Variants in ESRRG observed in about 807,000 individuals in gnomAD.
ESRRG encodes the protein estrogen-related receptor gamma.
ESRRG carries 13 observed loss-of-function variants against 44.0 expected under a neutral mutation model. The ratio of observed to expected loss-of-function variants is 0.30; its 90% CI spans 0.19 to 0.47. ESRRG has a LOEUF of 0.47. Ranked by LOEUF, ESRRG falls within the 20% of genes least tolerant of loss-of-function variation. ESRRG has a pLI of 1.00. For missense variants in ESRRG, 395 were observed against 580.6 expected (o/e 0.68, Z 3.29); for synonymous variants, 215 against 214.6 (o/e 1.00, Z -0.02).
At chr1:216,774,425 AC>A in intron 2 of ESRRG, among the ~76,000 whole-genome samples, 1 of 152,136 alleles carries the variant, frequency 6.6e-6, no homozygotes, top group Non-Finnish European at 1.5e-5. Context: ...TGCAAAAGCA[AC>A]ATGAAATTCT....
At chr1:217,107,482 C>T (rs759106796) in intron 1 of ESRRG, among the ~76,000 whole-genome samples, 141 of 152,342 alleles carry the variant, frequency 9.3e-4, no homozygotes, top group Non-Finnish European at 1.6e-3. Context: ...TTATATATTG[C>T]ACTTTTTCCC....
chr1:216,853,543 G>A (rs2095871849), intron 2 of ESRRG, among the ~76,000 whole-genome samples: 2 of 151,978 alleles, frequency 1.3e-5, no homozygotes, highest in South Asian at 4.2e-4. Context: ...ACACTTCCTT[G>A]TCTTTATTCA....
chr1:216,789,718 G>A (rs1339347), intron 2 of ESRRG, among the ~76,000 whole-genome samples: 2,874 of 152,210 alleles, frequency 0.019, 96 homozygotes, highest in African/African-American at 0.064. Flanking sequence ...TAGCAAGGCT[G>A]AACTAGATAA....
At chr1:216,613,414 A>T (rs903191686) in intron 3 of ESRRG, among the ~76,000 whole-genome samples, 1 of 152,158 alleles carries the variant, frequency 6.6e-6, no homozygotes, top group African/African-American at 2.4e-5. Flanking sequence ...ATTCTTCATG[A>T]CCCAAATTAT....
At chr1:216,725,440 GA>G (rs34245591), upstream of ESRRG, among the ~76,000 whole-genome samples, 39,810 of 148,870 alleles carry the variant, frequency 0.27, 5,369 homozygotes, top group South Asian at 0.35. Flanking sequence ...GACACTGAGA[GA>G]AAAAAAAAAT....
chr1:216,821,927 G>A (rs2095306786), intron 2 of ESRRG, among the ~76,000 whole-genome samples: 1 of 151,794 alleles, frequency 6.6e-6, no homozygotes, highest in Admixed American at 6.6e-5. Context: ...CTCTACGTGG[G>A]TTCAAAGCTT....
intron 2 of ESRRG, among the ~76,000 whole-genome samples, chr1:216,753,847 C>T (rs61817865): frequency 1.3e-5 from 2 of 151,870 alleles, no homozygotes; most frequent in Non-Finnish European, 2.9e-5. Flanking sequence ...GGTGGGGAGT[C>T]GTAAGAAGGA....
At chr1:216,743,654 G>GTCATCATCATCA (rs149123678) in intron 2 of ESRRG, among the ~76,000 whole-genome samples, 3 of 151,922 alleles carry the variant, frequency 2.0e-5, no homozygotes, top group Non-Finnish European at 4.4e-5. Flanking sequence ...CTTCACTGTT[G>GTCATCATCATCA]TCATCATCAT....
At chr1:216,701,734 A>T (rs528260001) in intron 1 of ESRRG, among the ~76,000 whole-genome samples, 1 of 152,326 alleles carries the variant, frequency 6.6e-6, no homozygotes, top group East Asian at 1.9e-4. Context: ...CCCATGATTT[A>T]TTATTGCATC....
chr1:216,875,779 A>G (rs1309943560), intron 2 of ESRRG, among the ~76,000 whole-genome samples: 1 of 152,154 alleles, frequency 6.6e-6, no homozygotes, highest in Non-Finnish European at 1.5e-5. Flanking sequence ...TATACCTACA[A>G]GTGAAATTGC....
upstream of ESRRG, chr1:216,723,478 T>C (rs2086820202): frequency 1.6e-6 from 1 of 616,750 alleles, no homozygotes; most frequent in Non-Finnish European, 2.9e-6. Context: ...AGCTTATTAA[T>C]ATGAAGTAGG....
At chr1:216,641,625 A>G (rs778739112) in intron 3 of ESRRG, among the ~76,000 whole-genome samples, 1 of 152,256 alleles carries the variant, frequency 6.6e-6, no homozygotes, top group Admixed American at 6.5e-5. Flanking sequence ...AAGCTATGCC[A>G]CAAGGCAAAA....
At chr1:216,783,411 A>G (rs1324703553) in intron 2 of ESRRG, among the ~76,000 whole-genome samples, 2 of 152,050 alleles carry the variant, frequency 1.3e-5, no homozygotes, top group Non-Finnish European at 2.9e-5. Context: ...CTTATAACAC[A>G]GCTCCTTCAG....
chr1:216,610,800 C>A (rs1476538921), intron 3 of ESRRG, among the ~76,000 whole-genome samples: 1 of 152,006 alleles, frequency 6.6e-6, no homozygotes, highest in African/African-American at 2.4e-5. Flanking sequence ...TGTATTAACT[C>A]ATTTATTCCT....
intron 2 of ESRRG, among the ~76,000 whole-genome samples, chr1:216,848,244 T>C (rs560948511): frequency 1.3e-5 from 2 of 152,110 alleles, no homozygotes; most frequent in Non-Finnish European, 2.9e-5. Context: ...TCAAGTATGC[T>C]TCTGGGGTGG....
At position 216,677,483 on chromosome 1, in the gene ESRRG, C is replaced by T. The variant is rs1331544359; in HGVS notation, c.65G>A (p.Cys22Tyr). 6.2e-7 allele frequency: 1 copy of T among 1,604,870 alleles called. No individual in the cohort carries two copies. Among genetic ancestry groups the T allele is most frequent in the Admixed American group, 1.7e-5 (1 of 59,570 alleles). Residue 22 changes from cysteine (C) to tyrosine (Y), a missense_variant, in exon 2 of 7, where the codon TGC becomes TAC. Physicochemically the swap from Cys to Tyr is radical, Grantham distance 194 (BLOSUM62 -2). Transcript: ENST00000408911. ...FSLHYEEELL[C>Y]RMSNKDRHID... The stretch of plus-strand genomic sequence containing the variant: ...GTGTCGATCTTTGTTTGACATTCTG[C>T]AGAGAAGCCTGAGATTGAGGAGATA...
intron 3 of ESRRG, among the ~76,000 whole-genome samples, chr1:216,584,823 T>A (rs1405477791): frequency 6.6e-6 from 1 of 152,214 alleles, no homozygotes; most frequent in Non-Finnish European, 1.5e-5. Flanking sequence ...CCCTATATTT[T>A]CCTCCCTAAT....
chr1:216,666,696 C>G (rs1423014216), intron 2 of ESRRG, among the ~76,000 whole-genome samples: 1 of 152,190 alleles, frequency 6.6e-6, no homozygotes, highest in Non-Finnish European at 1.5e-5. Context: ...GTCCAGTGAT[C>G]TGTAGGCAAA....
chr1:216,594,684 A>G (rs1192347869), intron 3 of ESRRG, among the ~76,000 whole-genome samples: 3 of 152,174 alleles, frequency 2.0e-5, no homozygotes, highest in Admixed American at 1.3e-4. Context: ...CTTTGCATAC[A>G]TAGTTCATTA....
Sources: allele counts gnomAD v4.1 joint callset (sites outside exome capture counted in the v4.1 genomes callset), GRCh38; gene constraint gnomAD v4.1.1; transcripts MANE v1.5; gene names NCBI Gene and HGNC (gene_info 2026-07-23, HGNC 2026-07-21).